Variants in LDLRAD4 observed in about 807,000 individuals in gnomAD.
The protein encoded by LDLRAD4 is low density lipoprotein receptor class A domain containing 4.
Under a neutral mutation model 17.0 loss-of-function variants are expected in LDLRAD4, and 5 were observed. The ratio of observed to expected loss-of-function variants is 0.29; its 90% confidence interval spans 0.15 to 0.62. LDLRAD4 has a LOEUF of 0.62. Ranked by LOEUF, LDLRAD4 falls within the 20% of genes least tolerant of loss-of-function variation. The pLI, the probability that LDLRAD4 is intolerant of heterozygous loss-of-function variation, is 0.84. For missense variants in LDLRAD4, 340 were observed against 424.7 expected, an observed-to-expected ratio of 0.80 and a Z score of 1.75; for synonymous variants, 168 against 171.8, an observed-to-expected ratio of 0.98 and a Z score of 0.17.
At chr18:13,222,581 G>C (rs1057444111) in intron 1 of LDLRAD4, among the ~76,000 whole-genome samples, 17 of 152,222 alleles carry the variant, frequency 1.1e-4, no homozygotes, top group Admixed American at 4.6e-4. Context: ...GGCCGGCTGG[G>C]CGCCGCTCAT....
At chr18:13,589,279 A>T (rs1374160227) in intron 3 of LDLRAD4, among the ~76,000 whole-genome samples, 1 of 152,042 alleles carries the variant, frequency 6.6e-6, no homozygotes, top group Non-Finnish European at 1.5e-5. Context: ...CCAAACTGTG[A>T]TGGGAGAAGG....
At chr18:13,253,429 C>G (rs552707545) in intron 1 of LDLRAD4, among the ~76,000 whole-genome samples, 1 of 152,270 alleles carries the variant, frequency 6.6e-6, no homozygotes, top group East Asian at 1.9e-4. Flanking sequence ...GTCTTTTTCC[C>G]TTTTCCACAC....
At chr18:13,568,451 T>C (rs1260605540) in intron 3 of LDLRAD4, among the ~76,000 whole-genome samples, 1 of 152,200 alleles carries the variant, frequency 6.6e-6, no homozygotes, top group Non-Finnish European at 1.5e-5. Flanking sequence ...CTAGAATGGC[T>C]GCTGGAACTC....
intron 1 of LDLRAD4, among the ~76,000 whole-genome samples, chr18:13,315,984 A>G (rs2080911158): frequency 6.6e-6 from 1 of 152,106 alleles, no homozygotes; most frequent in South Asian, 2.1e-4. Flanking sequence ...TAGAGGAAAG[A>G]GCATGAGAGC....
intron 3 of LDLRAD4, among the ~76,000 whole-genome samples, chr18:13,466,904 G>A (rs1186029115): frequency 6.6e-6 from 1 of 152,140 alleles, no homozygotes; most frequent in Non-Finnish European, 1.5e-5. Context: ...ATTTATGAGG[G>A]CTCCGCCCTC....
At chr18:13,490,976 T>C (rs1257058937) in intron 3 of LDLRAD4, among the ~76,000 whole-genome samples, 1 of 152,198 alleles carries the variant, frequency 6.6e-6, no homozygotes, top group Non-Finnish European at 1.5e-5. Context: ...TGTTGGAAAT[T>C]AACCTCAGAG....
chr18:13,506,496 C>T (rs12604898), intron 3 of LDLRAD4, among the ~76,000 whole-genome samples: 82,558 of 151,548 alleles, frequency 0.54, 23,864 homozygotes, highest in East Asian at 0.68. Flanking sequence ...TTTGATGACC[C>T]GTTTTTATAA....
rs538304201 is a variant in LDLRAD4, at chr18:13,571,244, G to A, written c.182-49873G>A. Among the ~76,000 whole-genome samples the A allele has an allele frequency of 2.0e-3, 308 of 152,278 alleles. 2 individuals are homozygous for A. The highest frequency in any genetic ancestry group is 7.1e-3 in the African/African-American group (293 of 41,550). On this transcript the variant is annotated intron_variant, in intron 3 of 5. Transcript: ENST00000359446. ...TTTCCATTTGCAAATGTGTAAGTAC[G>A]CTGTCTATGATCACTGAAGCTCTGA... is the stretch of plus-strand genomic sequence containing the variant.
intron 3 of LDLRAD4, among the ~76,000 whole-genome samples, chr18:13,536,172 G>A (rs145169907): frequency 0.014 from 2,070 of 152,106 alleles, 21 homozygotes; most frequent in Non-Finnish European, 0.02. Context: ...TCACCTATTC[G>A]AAGAAGTATG....
intron 4 of LDLRAD4, chr18:13,642,671 C>A: frequency 8.1e-7 from 1 of 1,231,464 alleles, no homozygotes. Flanking sequence ...GCCACCTCTG[C>A]CAGGGCTTCC....
In LDLRAD4 at chr18:13,222,658, C is replaced by T. The variant is rs7244704; in HGVS notation, c.-467+3670C>T. On this transcript the variant is annotated intron_variant, in intron 1 of 5. Coordinates refer to the LDLRAD4 transcript ENST00000399848. Reference sequence around the variant, plus strand: ...CCGCCTAGAATTCTGTGCCTCGGTTCGGAAATGAAAAGGGTGTGCCTTGCT... The same window carrying T: ...CCGCCTAGAATTCTGTGCCTCGGTTTGGAAATGAAAAGGGTGTGCCTTGCT... Among the ~76,000 whole-genome samples the T allele has an allele frequency of 3.6e-3, 550 of 152,296 alleles. 8 individuals are homozygous for T. The highest frequency in any genetic ancestry group is 0.012 in the African/African-American group (488 of 41,558).
intron 3 of LDLRAD4, chr18:13,487,472 G>A (rs1261777972): frequency 2.6e-5 from 4 of 152,290 alleles, no homozygotes; most frequent in African/African-American, 7.2e-5. Flanking sequence ...TCAGAAAGAC[G>A]TGTTTGTGGC....
chr18:13,410,818 G>A (rs1481734786), intron 2 of LDLRAD4, among the ~76,000 whole-genome samples: 1 of 152,168 alleles, frequency 6.6e-6, no homozygotes, highest in African/African-American at 2.4e-5. Flanking sequence ...TTCAGTGGAT[G>A]GCTTTTTGTT....
At chr18:13,464,800 C>A (rs969981663) in intron 3 of LDLRAD4, among the ~76,000 whole-genome samples, 8 of 139,196 alleles carry the variant, frequency 5.7e-5, no homozygotes. Flanking sequence ...CACCCCCACC[C>A]CAAGGTTTTA....
chr18:13,628,559 C>G (rs142161497), intron 4 of LDLRAD4, among the ~76,000 whole-genome samples: 23 of 152,338 alleles, frequency 1.5e-4, no homozygotes, highest in African/African-American at 5.3e-4. Flanking sequence ...AGGTTTTGCC[C>G]TTTGCTATGT....
intron 3 of LDLRAD4, among the ~76,000 whole-genome samples, chr18:13,479,439 G>A (rs892988976): frequency 6.6e-6 from 1 of 152,180 alleles, no homozygotes; most frequent in South Asian, 2.1e-4. Flanking sequence ...TGGCCAACAT[G>A]GCATAACCCC....
intron 3 of LDLRAD4, among the ~76,000 whole-genome samples, chr18:13,452,824 AC>A (rs141202051): frequency 1.4e-3 from 220 of 152,074 alleles, no homozygotes; most frequent in Non-Finnish European, 2.3e-3. Flanking sequence ...AACTCATCGG[AC>A]CCCTCCTTAG....
chr18:13,295,707 T>C (rs2046234382), intron 1 of LDLRAD4, among the ~76,000 whole-genome samples: 1 of 152,264 alleles, frequency 6.6e-6, no homozygotes, highest in African/African-American at 2.4e-5. Flanking sequence ...TACATATTCT[T>C]GAATACCTGC....
At chr18:13,412,929 C>G (rs2088515016) in intron 2 of LDLRAD4, among the ~76,000 whole-genome samples, 1 of 152,234 alleles carries the variant, frequency 6.6e-6, no homozygotes, top group Non-Finnish European at 1.5e-5. Flanking sequence ...TAGTTGAAGA[C>G]TGTCCTGAGC....
Sources: gnomAD v4.1 joint callset for allele counts (sites outside exome capture counted in the v4.1 genomes callset) on GRCh38, gnomAD v4.1.1 for gene constraint, MANE v1.5 for transcripts, NCBI Gene and HGNC (gene_info 2026-07-23, HGNC 2026-07-21) for gene names.